SLCO3A1: variants seen among roughly 807,000 people sequenced by gnomAD.
SLCO3A1 encodes the protein PGE1 transporter.
A neutral mutation model predicts 63.1 loss-of-function variants in SLCO3A1; 27 were observed. That is an observed-to-expected ratio of 0.43 (90% CI 0.32 to 0.59). SLCO3A1 has a LOEUF of 0.59. Among genes scored for constraint, SLCO3A1 ranks in the 20% least tolerant of loss-of-function variants. The pLI is 0.09. For synonymous variants in SLCO3A1, 473 were observed against 409.9 expected, an observed-to-expected ratio of 1.15 and a Z score of -1.86; for missense variants, 773 against 945.8, an observed-to-expected ratio of 0.82 and a Z score of 2.40.
At chr15:92,015,231 G>C (rs770437326) in intron 2 of SLCO3A1, among the ~76,000 whole-genome samples, 26 of 152,068 alleles carry the variant, frequency 1.7e-4, no homozygotes, top group Non-Finnish European at 3.1e-4. Context: ...CTGTTGGCGG[G>C]TGTATTCATC....
intron 2 of SLCO3A1, among the ~76,000 whole-genome samples, chr15:91,956,906 C>T (rs763083330): frequency 6.4e-4 from 76 of 117,890 alleles, no homozygotes; most frequent in Non-Finnish European, 1.1e-3. Flanking sequence ...TCTTCTGCCT[C>T]AGCCTCCCAA....
chr15:92,049,912 T>C (rs1213811035), intron 2 of SLCO3A1, among the ~76,000 whole-genome samples: 1 of 152,152 alleles, frequency 6.6e-6, no homozygotes, highest in Non-Finnish European at 1.5e-5. Flanking sequence ...CACAAGTTGC[T>C]CGTGAGCTTT....
At chr15:92,006,805 T>C (rs573026154) in intron 2 of SLCO3A1, among the ~76,000 whole-genome samples, 2 of 152,350 alleles carry the variant, frequency 1.3e-5, no homozygotes, top group Admixed American at 1.3e-4. Flanking sequence ...TAATGAAGCT[T>C]CTTCATTAAG....
At position 92,074,323 on chromosome 15, in the gene SLCO3A1, A is replaced by T. The variant is rs74030465; in HGVS notation, c.647-20558A>T. 9.4e-3 allele frequency among the ~76,000 whole-genome samples: 1,437 copies of T among 152,306 alleles called. 20 individuals are homozygous for T. The highest frequency in any genetic ancestry group is 0.033 in the African/African-American group (1,371 of 41,554). ...GAGCCATTCAGTTAACACCAACCCG[A>T]AAGATGCAGTCAGAGGCTGACTTTG... On this transcript the variant is annotated intron_variant, in intron 2 of 9. Coordinates refer to ENST00000318445, the MANE Select transcript of SLCO3A1 (RefSeq NM_013272.4).
Position 92,080,938 on chromosome 15 carries a change from C to CTGTGTGTA in SLCO3A1, c.647-13936_647-13935insATGTGTGT, listed in dbSNP as rs779165504. On this transcript the variant is annotated intron_variant, in intron 2 of 9. Coordinates refer to ENST00000318445, the MANE Select transcript of SLCO3A1 (RefSeq NM_013272.4). ...TTTCATTTTTATGGATACATAGTAG[C>CTGTGTGTA]TGTGTGTGTGTGTGTGTGTGTGTGT... 8.5e-3 allele frequency among the ~76,000 whole-genome samples: 1,094 copies of CTGTGTGTA among 128,978 alleles called. 25 individuals are homozygous for CTGTGTGTA. Among genetic ancestry groups the CTGTGTGTA allele is most frequent in the African/African-American group, 0.031 (998 of 32,304 alleles). The allele number at this position is 128,978 out of a possible 152,430, so 84.6% of individuals were successfully genotyped here. A position where few individuals can be genotyped will look rare whatever the true frequency, so the allele number is the denominator to read the frequency against.
chr15:92,069,130 G>C (rs557473528), intron 2 of SLCO3A1, among the ~76,000 whole-genome samples: 1 of 112,002 alleles, frequency 8.9e-6, no homozygotes, highest in Admixed American at 1.3e-4. Flanking sequence ...CCCCCCAGGG[G>C]ACATTTGCCA....
intron 2 of SLCO3A1, among the ~76,000 whole-genome samples, chr15:92,042,504 G>T (rs925140182): frequency 2.0e-5 from 3 of 152,148 alleles, no homozygotes; most frequent in Non-Finnish European, 2.9e-5. Flanking sequence ...TAAGAGCATT[G>T]TGACAGGCCC....
At chr15:92,080,895 C>G (rs185298597) in intron 2 of SLCO3A1, among the ~76,000 whole-genome samples, 3 of 145,764 alleles carry the variant, frequency 2.1e-5, no homozygotes, top group Non-Finnish European at 4.5e-5. Context: ...TTTTTTTGGG[C>G]GGGGGAAGGT....
chr15:91,891,463 G>A (rs536331859), intron 1 of SLCO3A1, among the ~76,000 whole-genome samples: 2 of 152,262 alleles, frequency 1.3e-5, no homozygotes, highest in Non-Finnish European at 2.9e-5. Flanking sequence ...TAAGCCTTCT[G>A]TTGCAACTGC....
At chr15:92,013,034 A>G (rs1056047690) in intron 2 of SLCO3A1, among the ~76,000 whole-genome samples, 1 of 152,236 alleles carries the variant, frequency 6.6e-6, no homozygotes, top group African/African-American at 2.4e-5. Flanking sequence ...GTGGCCCCAC[A>G]GTTCTGGCTA....
chr15:91,953,221 A>G (rs1417972831), intron 2 of SLCO3A1, among the ~76,000 whole-genome samples: 1 of 152,210 alleles, frequency 6.6e-6, no homozygotes, highest in African/African-American at 2.4e-5. Context: ...AGCATCATTC[A>G]CTGACTCGCT....
intron 4 of SLCO3A1, among the ~76,000 whole-genome samples, chr15:92,112,473 T>G (rs1454236231): frequency 6.6e-6 from 1 of 152,182 alleles, no homozygotes; most frequent in Non-Finnish European, 1.5e-5. Context: ...ACCCTGTGTG[T>G]GGGCCACAGC....
rs965438178 is a variant in SLCO3A1, at chr15:91,875,354, C to A, written c.180+21266C>A. Among the ~76,000 whole-genome samples, 12 of 152,176 alleles carry A rather than the reference C, an allele frequency of 7.9e-5. No homozygotes were observed. Among genetic ancestry groups the A allele is most frequent in the African/African-American group, 2.9e-4 (12 of 41,414 alleles). The stretch of plus-strand genomic sequence containing the variant: ...CTCCCACTGTGGATCATGGTCTCCT[C>A]CCCCAGCTCCATGGCATGATGTTGG... On this transcript the variant is annotated intron_variant, in intron 1 of 9. Coordinates refer to ENST00000318445, the MANE Select transcript of SLCO3A1 (RefSeq NM_013272.4). The surrounding 1 kb of genome is among the most constrained non-coding windows in gnomAD (Gnocchi z 4.5).
At chr15:92,158,794 G>T (rs761306767) in intron 9 of SLCO3A1, among the ~76,000 whole-genome samples, 1 of 152,194 alleles carries the variant, frequency 6.6e-6, no homozygotes, top group Non-Finnish European at 1.5e-5. Flanking sequence ...GGTATTGTCC[G>T]CACACCTGCA....
intron 3 of SLCO3A1, among the ~76,000 whole-genome samples, chr15:92,097,139 G>T (rs990599642): frequency 3.3e-5 from 5 of 152,208 alleles, no homozygotes; most frequent in Non-Finnish European, 7.3e-5. Context: ...ATCAGTGGTG[G>T]CCTTGAACCA....
chr15:92,166,626 G>A (rs958209569), downstream of SLCO3A1, among the ~76,000 whole-genome samples: 1 of 152,156 alleles, frequency 6.6e-6, no homozygotes, highest in Non-Finnish European at 1.5e-5. Context: ...CCACACAAGG[G>A]CAACCAGCTG....
chr15:91,891,460 T>G (rs1897869057), intron 1 of SLCO3A1, among the ~76,000 whole-genome samples: 1 of 152,128 alleles, frequency 6.6e-6, no homozygotes, highest in African/African-American at 2.4e-5. Flanking sequence ...AGCTAAGCCT[T>G]CTGTTGCAAC....
intron 2 of SLCO3A1, among the ~76,000 whole-genome samples, chr15:91,995,610 A>G (rs1275026501): frequency 6.6e-6 from 1 of 152,128 alleles, no homozygotes; most frequent in East Asian, 1.9e-4. Flanking sequence ...CCTAGTGGGG[A>G]GAGCAGACAG....
intron 3 of SLCO3A1, among the ~76,000 whole-genome samples, chr15:92,102,334 T>A (rs1485062393): frequency 1.3e-5 from 2 of 152,164 alleles, no homozygotes; most frequent in Non-Finnish European, 2.9e-5. Flanking sequence ...GTACCCTTTT[T>A]TAAAAAGATC....
Sources: gnomAD v4.1 joint callset for allele counts (sites outside exome capture counted in the v4.1 genomes callset) on GRCh38, gnomAD v4.1.1 for gene constraint, Gnocchi (gnomAD v3.1) non-coding constraint, MANE v1.5 for transcripts, NCBI Gene and HGNC (gene_info 2026-07-23, HGNC 2026-07-21) for gene names.